The following CSMD2 variants were observed in gnomAD, a reference collection of about 807,000 sequenced individuals.
CSMD2 encodes CUB and sushi domain-containing protein 2.
In CSMD2, 130 loss-of-function variants were observed where a neutral mutation model predicts 398.5. The ratio of observed to expected loss-of-function variants is 0.33; its 90% confidence interval spans 0.28 to 0.38. The LOEUF is 0.38. Among genes scored for constraint, CSMD2 ranks in the 10% least tolerant of loss-of-function variants. The probability of loss-of-function intolerance (pLI) is 1.00; values close to 1 mark genes in which losing one functional copy is unlikely to be tolerated. For synonymous variants in CSMD2, 1,828 were observed against 1,908.5 expected (o/e 0.96, Z 1.10); for missense variants, 3,829 against 4,764.9 (o/e 0.80, Z 5.78).
chr1:33,621,735 A>C (rs2148874076), intron 37 of CSMD2, among the ~76,000 whole-genome samples: 1 of 152,320 alleles, frequency 6.6e-6, no homozygotes, highest in African/African-American at 2.4e-5. Context: ...CCAGGATATA[A>C]GGGTTTGAGC....
chr1:34,163,022 A>G lies in CSMD2; in HGVS notation c.187+1889T>C, dbSNP rs993274118. 3.3e-4 allele frequency among the ~76,000 whole-genome samples: 50 copies of G among 152,152 alleles called. No homozygotes were observed. Among genetic ancestry groups the G allele is most frequent in the African/African-American group, 1.1e-3 (47 of 41,466 alleles). On this transcript the variant is annotated intron_variant, in intron 1 of 70. Transcript: ENST00000373381. This position sits in a 1 kb window ranked among gnomAD's most constrained non-coding sequence, Gnocchi z 5.4. ...AGGAGCTGCGAGCAAATGGATCTCT[A>G]TAGGGCAGGATTCCAGCACCGCTGA...
chr1:33,929,053 T>A (rs1644223519), intron 4 of CSMD2, among the ~76,000 whole-genome samples: 1 of 152,190 alleles, frequency 6.6e-6, no homozygotes, highest in Non-Finnish European at 1.5e-5. Flanking sequence ...GGCACATGCT[T>A]CCTGCCCTCT....
chr1:33,567,931 A>C, intron 52 of CSMD2, 90 bp from the exon 53 acceptor site: 1 of 1,441,940 alleles, frequency 6.9e-7, no homozygotes, highest in Admixed American at 2.1e-5. Context: ...TCTAGGAGTG[A>C]CTTCAGGAAC....
chr1:33,532,804 G>T (rs139485266), intron 64 of CSMD2, among the ~76,000 whole-genome samples: 1,587 of 152,356 alleles, frequency 0.01, 27 homozygotes, highest in African/African-American at 0.036. Flanking sequence ...TCTGCCTGAT[G>T]ATGAAATGTG....
intron 9 of CSMD2, among the ~76,000 whole-genome samples, chr1:33,818,036 A>G (rs1657673148): frequency 6.6e-6 from 1 of 152,206 alleles, no homozygotes; most frequent in African/African-American, 2.4e-5. Context: ...CACCCTTGGC[A>G]TGTTCATGTA....
intron 13 of CSMD2, among the ~76,000 whole-genome samples, chr1:33,750,248 T>G (rs1648040575): frequency 6.6e-6 from 1 of 152,012 alleles, no homozygotes; most frequent in African/African-American, 2.4e-5. Flanking sequence ...CATTGCAAGA[T>G]CCATCTGTTG....
intron 46 of CSMD2, among the ~76,000 whole-genome samples, chr1:33,584,707 T>TA (rs1638961603): frequency 6.6e-6 from 1 of 150,874 alleles, no homozygotes; most frequent in Admixed American, 6.6e-5. Flanking sequence ...ATATATATAT[T>TA]ATGAAATAAT....
At chr1:34,148,928 T>C (rs1489159130) in intron 1 of CSMD2, among the ~76,000 whole-genome samples, 1 of 152,170 alleles carries the variant, frequency 6.6e-6, no homozygotes, top group East Asian at 1.9e-4. Context: ...ACAAGCTTCC[T>C]GGCAAGGCCT....
rs78914716 is a variant in CSMD2, at chr1:33,715,997, T to G, written c.3217+289A>C. Reference sequence around the variant, plus strand: ...TAACTAAGGTAGGAAGGGACTTTTGTGAAGTCCTCTAGTTCATCCAGCTAG... The same window carrying G: ...TAACTAAGGTAGGAAGGGACTTTTGGGAAGTCCTCTAGTTCATCCAGCTAG... On this transcript the variant is annotated intron_variant, in intron 20 of 70. Coordinates refer to ENST00000373381, the MANE Select transcript of CSMD2 (RefSeq NM_001281956.2). Among the ~76,000 whole-genome samples the G allele has an allele frequency of 5.4e-3, 816 of 152,138 alleles. 9 individuals carry two copies. Among genetic ancestry groups the G allele is most frequent in the African/African-American group, 0.019 (784 of 41,484 alleles).
At chr1:33,915,320 A>G (rs984076489) in intron 5 of CSMD2, among the ~76,000 whole-genome samples, 14 of 152,192 alleles carry the variant, frequency 9.2e-5, no homozygotes, top group African/African-American at 3.4e-4. Flanking sequence ...TCCATAAAGG[A>G]GAGGGGCAAG....
intron 1 of CSMD2, among the ~76,000 whole-genome samples, chr1:34,155,132 G>C (rs1387149114): frequency 6.6e-6 from 1 of 152,206 alleles, no homozygotes; most frequent in African/African-American, 2.4e-5. Context: ...GGCAAACTTT[G>C]TAAATAAGAG....
intron 1 of CSMD2, among the ~76,000 whole-genome samples, chr1:34,110,844 A>G (rs1277248870): frequency 1.3e-5 from 2 of 152,160 alleles, no homozygotes; most frequent in African/African-American, 4.8e-5. Flanking sequence ...AACCCCCATG[A>G]CATGGGTTGA....
At chr1:33,933,604 C>T (rs966386214) in intron 4 of CSMD2, among the ~76,000 whole-genome samples, 1 of 152,114 alleles carries the variant, frequency 6.6e-6, no homozygotes, top group African/African-American at 2.4e-5. Context: ...AGAATGTTAA[C>T]GGTAACATCC....
At chr1:33,522,613 A>C (rs1214574379) in intron 67 of CSMD2, among the ~76,000 whole-genome samples, 3 of 152,148 alleles carry the variant, frequency 2.0e-5, no homozygotes, top group African/African-American at 7.2e-5. Flanking sequence ...TGTCCATGAG[A>C]ATGCACTGTG....
chr1:33,547,720 T>C (rs971684277), intron 56 of CSMD2, among the ~76,000 whole-genome samples: 1 of 152,238 alleles, frequency 6.6e-6, no homozygotes, highest in South Asian at 2.1e-4. Context: ...TAGGTTTTCT[T>C]ATCTTTTGAA....
intron 38 of CSMD2, among the ~76,000 whole-genome samples, 196 bp from the exon 39 acceptor site, chr1:33,617,171 T>C (rs959590419): frequency 6.6e-6 from 1 of 152,230 alleles, no homozygotes; most frequent in Non-Finnish European, 1.5e-5. Flanking sequence ...TTAACAACGA[T>C]TACTAAAGAA....
chr1:33,904,657 G>GTTTGT (rs373811719), intron 5 of CSMD2, among the ~76,000 whole-genome samples: 3 of 151,928 alleles, frequency 2.0e-5, no homozygotes, highest in East Asian at 1.9e-4. Context: ...AGGTTTTTTT[G>GTTTGT]TTTGTTTTGT....
intron 32 of CSMD2, among the ~76,000 whole-genome samples, chr1:33,628,720 TG>T (rs1642281844): frequency 6.7e-6 from 1 of 149,466 alleles, no homozygotes; most frequent in Non-Finnish European, 1.5e-5. Context: ...TTTCCTAAGA[TG>T]TGAGGTACAG....
At chr1:33,836,794 C>G (rs1399210655) in intron 6 of CSMD2, among the ~76,000 whole-genome samples, 4 of 152,156 alleles carry the variant, frequency 2.6e-5, no homozygotes, top group Admixed American at 1.3e-4. Flanking sequence ...GCGAATTCCC[C>G]AACCCCTTGC....
Sources: gnomAD v4.1 joint callset for allele counts (sites outside exome capture counted in the v4.1 genomes callset) on GRCh38, gnomAD v4.1.1 for gene constraint, Gnocchi (gnomAD v3.1) non-coding constraint, MANE v1.5 for transcripts, NCBI Gene and HGNC (gene_info 2026-07-23, HGNC 2026-07-21) for gene names.